Variants in CHM observed in about 807,000 individuals in gnomAD.
CHM encodes the protein CHM Rab escort protein.
CHM carries 10 observed loss-of-function variants against 49.0 expected under a neutral mutation model. The ratio of observed to expected loss-of-function variants is 0.20; its 90% CI spans 0.13 to 0.35. The LOEUF is 0.35. CHM is among the 10% of genes least tolerant of loss of function. The probability of loss-of-function intolerance (pLI) is 1.00; values close to 1 mark genes in which losing one functional copy is unlikely to be tolerated. For missense variants in CHM, 455 were observed against 478.4 expected (o/e 0.95, Z 0.46); for synonymous variants, 184 against 167.5 (o/e 1.10, Z -0.76).
chrX:85,972,622 G>A (rs766960331), intron 4 of CHM, among the ~76,000 whole-genome samples: 2 of 112,962 alleles, frequency 1.8e-5, no homozygotes, highest in African/African-American at 6.4e-5. Context: ...CTCACTGCCC[G>A]GGGCCGGCAG....
intron 2 of CHM, among the ~76,000 whole-genome samples, chrX:86,018,896 G>A (rs66784974): frequency 0.059 from 6,641 of 111,968 alleles, 292 homozygotes; most frequent in African/African-American, 0.15. Context: ...AGTGGCAGAG[G>A]AGGGAGGTAG....
At chrX:86,045,073 T>C (rs1934604007) in intron 1 of CHM, among the ~76,000 whole-genome samples, 1 of 112,375 alleles carries the variant, frequency 8.9e-6, no homozygotes, top group Admixed American at 9.4e-5. Flanking sequence ...TTATACTTGA[T>C]GAAGCAATTG....
At chrX:85,982,798 T>C (rs1191698541) in intron 2 of CHM, among the ~76,000 whole-genome samples, 1 of 111,348 alleles carries the variant, frequency 9.0e-6, no homozygotes, top group East Asian at 2.8e-4. Flanking sequence ...CATGAAAGGT[T>C]TTTAAACAAT....
intron 2 of CHM, among the ~76,000 whole-genome samples, chrX:85,993,971 A>C (rs978628256): frequency 1.8e-5 from 2 of 112,076 alleles, no homozygotes; most frequent in Non-Finnish European, 3.8e-5. Context: ...GCTGTCTTAT[A>C]ATCAGATTAC....
At chrX:85,964,225 T>A (rs777653006) in intron 4 of CHM, among the ~76,000 whole-genome samples, 173 bp from the exon 5 acceptor site, 2 of 111,397 alleles carry the variant, frequency 1.8e-5, no homozygotes, top group Admixed American at 1.9e-4. Flanking sequence ...AGATTTCATG[T>A]CACATGCACA....
chrX:85,943,081 T>A (rs1929212440), intron 8 of CHM, among the ~76,000 whole-genome samples: 1 of 109,058 alleles, frequency 9.2e-6, no homozygotes, highest in Admixed American at 9.9e-5. Context: ...ACAAATGAGA[T>A]CTAATTAAAC....
chrX:85,984,821 G>A (rs1302111304), intron 2 of CHM, among the ~76,000 whole-genome samples: 3 of 112,329 alleles, frequency 2.7e-5, no homozygotes, highest in East Asian at 2.8e-4. Context: ...AAAGCATTAT[G>A]CTGAGTGAAA....
chrX:85,929,306 CA>C (rs1265615219), intron 8 of CHM, among the ~76,000 whole-genome samples: 1 of 112,183 alleles, frequency 8.9e-6, no homozygotes, highest in Non-Finnish European at 1.9e-5. Flanking sequence ...CCATTCCCAT[CA>C]TATTCTGGTA....
intron 8 of CHM, among the ~76,000 whole-genome samples, chrX:85,911,679 GA>G (rs1331749811): frequency 9.0e-6 from 1 of 110,757 alleles, no homozygotes; most frequent in Non-Finnish European, 1.9e-5. Flanking sequence ...ATGCATGTAT[GA>G]CAAACCCAAG....
At chrX:85,876,533 C>T (rs1924424354) in intron 13 of CHM, among the ~76,000 whole-genome samples, 1 of 111,644 alleles carries the variant, frequency 9.0e-6, no homozygotes, top group Non-Finnish European at 1.9e-5. Flanking sequence ...GAGTTCTCTT[C>T]TCCAGGTGAC....
At chrX:85,928,545 AAAAT>A (rs780740932) in intron 8 of CHM, among the ~76,000 whole-genome samples, 30 of 112,235 alleles carry the variant, frequency 2.7e-4, no homozygotes, top group Non-Finnish European at 4.7e-4. Flanking sequence ...CCGTTTCAAA[AAAAT>A]AAATAAATAA....
chrX:86,037,165 G>A (rs1254470748), intron 1 of CHM, among the ~76,000 whole-genome samples: 1 of 96,001 alleles, frequency 1.0e-5, no homozygotes, highest in African/African-American at 4.0e-5. Context: ...CACCCAGGCT[G>A]GGGTACAGTG....
chrX:85,919,225 C>T (rs1927637647), intron 8 of CHM, among the ~76,000 whole-genome samples: 1 of 111,535 alleles, frequency 9.0e-6, no homozygotes, highest in Admixed American at 9.5e-5. Context: ...TCAGAACCCA[C>T]TGGAAGCTGT....
In CHM at chrX:85,894,210, C is replaced by T. The variant is rs74349919; in HGVS notation, c.1488G>A (p.Thr496=). 2.0e-3 allele frequency: 2,426 copies of T among 1,206,688 alleles called. 25 individuals carry two copies. The East Asian group carries it at 0.044, about 22-fold the overall frequency. The change falls in exon 12 of 15, where the codon ACG becomes ACA. Residue 496 remains threonine (T), a synonymous_variant. Coordinates refer to ENST00000357749, the MANE Select transcript of CHM (RefSeq NM_000390.4). ...AVRVIELCSS[T]MTCMKGTYLV... is the part of the protein sequence containing the mutation. ...TACAGGTGCCTTTCATGCATGTCAT[C>T]GTTGAAGAACATAACTCAATGACCC...
chrX:85,941,495 T>C (rs1258199091), intron 8 of CHM, among the ~76,000 whole-genome samples: 1 of 111,990 alleles, frequency 8.9e-6, no homozygotes, highest in Admixed American at 9.5e-5. Flanking sequence ...AAATACTTAG[T>C]GCATGACTAA....
chrX:85,975,110 T>C (rs777526023), intron 4 of CHM, among the ~76,000 whole-genome samples: 2 of 111,503 alleles, frequency 1.8e-5, no homozygotes, highest in African/African-American at 3.2e-5. Context: ...AAATGAGCCA[T>C]CAAAATGGCT....
At chrX:86,037,341 T>A (rs1426214749) in intron 1 of CHM, among the ~76,000 whole-genome samples, 2 of 110,457 alleles carry the variant, frequency 1.8e-5, no homozygotes, top group Non-Finnish European at 3.8e-5. Flanking sequence ...GGTCTTGAAC[T>A]CCTGACCTCA....
At chrX:86,020,160 C>G (rs971683934) in intron 2 of CHM, among the ~76,000 whole-genome samples, 1 of 111,360 alleles carries the variant, frequency 9.0e-6, no homozygotes, top group Non-Finnish European at 1.9e-5. Flanking sequence ...GCATCCCACG[C>G]TCTTTCAGTA....
At chrX:85,877,983 A>G (rs1486381568) in intron 13 of CHM, among the ~76,000 whole-genome samples, 1 of 111,845 alleles carries the variant, frequency 8.9e-6, no homozygotes, top group Non-Finnish European at 1.9e-5. Context: ...TACAATAAAA[A>G]TCACCTTCAC....
Sources: gnomAD v4.1 joint callset for allele counts (sites outside exome capture counted in the v4.1 genomes callset) on GRCh38, gnomAD v4.1.1 for gene constraint, MANE v1.5 for transcripts, NCBI Gene and HGNC (gene_info 2026-07-23, HGNC 2026-07-21) for gene names.